The following HSPA4 variants were observed in gnomAD, a reference collection of about 807,000 sequenced individuals.
HSPA4 encodes the protein heat shock 70 kDa protein 4.
In HSPA4, 25 loss-of-function variants were observed where a neutral mutation model predicts 106.2. The ratio of observed to expected loss-of-function variants is 0.24; its 90% CI spans 0.17 to 0.33. The LOEUF (loss-of-function observed/expected upper bound fraction) is 0.33, where lower values mean the gene tolerates loss of function less well. Among genes scored for constraint, HSPA4 ranks in the 10% least tolerant of loss-of-function variants. The probability of loss-of-function intolerance (pLI) is 1.00; values close to 1 mark genes in which losing one functional copy is unlikely to be tolerated. For synonymous variants in HSPA4, 332 were observed against 333.6 expected (o/e 1.00, Z 0.05); for missense variants, 841 against 996.0 (o/e 0.84, Z 2.10).
rs756190710 is a variant in HSPA4 at position 133,091,202 on chromosome 5, C to T, written c.1388C>T (p.Ser463Leu). ...TCTCGTATGTCCCTAGCTCAGTTTT[C>T]AGTTCAGAAAGTCACTCCTCAGTCT... ...PYPDPAIAQF[S>L]VQKVTPQSDG... Residue 463 changes from serine to leucine, a missense_variant, in exon 12 of 19, where the codon TCA becomes TTA. Physicochemically the swap from Ser to Leu is moderately radical, Grantham distance 145. Transcript: ENST00000304858. The T allele has an allele frequency of 1.9e-6, 3 of 1,613,760 alleles. No homozygotes were observed. The South Asian group carries it at 3.3e-5, about 18-fold the overall frequency.
chr5:133,072,858 G>A (rs940801134), intron 4 of HSPA4, among the ~76,000 whole-genome samples: 1 of 152,144 alleles, frequency 6.6e-6, no homozygotes, highest in Non-Finnish European at 1.5e-5. Flanking sequence ...TAATCATTTA[G>A]GGAAATTTTT....
At chr5:133,088,170 C>T (rs978386450) in intron 8 of HSPA4, among the ~76,000 whole-genome samples, 2 of 152,000 alleles carry the variant, frequency 1.3e-5, no homozygotes, top group Admixed American at 6.6e-5. Flanking sequence ...GATTCCTGGC[C>T]CTCACCTCCT....
chr5:133,061,648 C>T (rs1228386221), intron 1 of HSPA4, among the ~76,000 whole-genome samples: 2 of 152,120 alleles, frequency 1.3e-5, no homozygotes, highest in African/African-American at 2.4e-5. Context: ...CCGACTGAGT[C>T]TTGCTCTCTT....
chr5:133,089,865 A>C (rs73272708), intron 11 of HSPA4, among the ~76,000 whole-genome samples, 170 bp downstream of exon 11: 4,012 of 152,238 alleles, frequency 0.026, 141 homozygotes, highest in African/African-American at 0.076. Context: ...ACAACAACAA[A>C]AAAAAGCTTA....
intron 4 of HSPA4, among the ~76,000 whole-genome samples, chr5:133,070,864 T>C (rs1251621210): frequency 6.6e-6 from 1 of 152,146 alleles, no homozygotes; most frequent in African/African-American, 2.4e-5. Context: ...ATCATGCCAT[T>C]GCACTTCGGC....
In HSPA4 at chr5:133,098,862, G is replaced by A. The variant is rs191406662; in HGVS notation, c.1930-683G>A. ...TAATTTTTGTATTTTTAGTAGAGAC[G>A]GGGTTTCACCATGTTGGCCAGGCTA... On this transcript the variant is annotated intron_variant, in intron 15 of 18. Transcript: ENST00000304858. 7.9e-5 allele frequency among the ~76,000 whole-genome samples: 12 copies of A among 151,390 alleles called. No individual in the cohort carries two copies. The East Asian group carries it at 2.4e-3, about 30-fold the overall frequency.
At chr5:133,075,875 A>G (rs550822087) in intron 6 of HSPA4, among the ~76,000 whole-genome samples, 1 of 152,232 alleles carries the variant, frequency 6.6e-6, no homozygotes, top group Admixed American at 6.5e-5. Flanking sequence ...CAATCTTACC[A>G]TTCTTAACAG....
At chr5:133,085,489 TAA>T (rs747012950) in intron 7 of HSPA4, among the ~76,000 whole-genome samples, 4 of 110,260 alleles carry the variant, frequency 3.6e-5, no homozygotes, top group African/African-American at 1.0e-4. Context: ...CCATCTCTAC[TAA>T]AAAAAAAAAA....
At chr5:133,104,155 G>C (rs555976167) in intron 18 of HSPA4, 78 bp from the exon 19 acceptor site, 1 of 1,470,896 alleles carries the variant, frequency 6.8e-7, no homozygotes, top group Admixed American at 1.8e-5. Flanking sequence ...TGGTGGGAGA[G>C]GGCGGATTTG....
intron 11 of HSPA4, among the ~76,000 whole-genome samples, chr5:133,090,430 CAAAAAAAAAAAA>C (rs56263518): frequency 3.6e-5 from 2 of 54,892 alleles, no homozygotes; most frequent in Admixed American, 3.2e-4. Context: ...GACTCTGTCT[CAAAAAAAAAAAA>C]AAAAAAAAAA....
chr5:133,102,947 A>C, intron 17 of HSPA4, among the ~76,000 whole-genome samples: 1 of 110,190 alleles, frequency 9.1e-6, no homozygotes. Context: ...GCATTTCACC[A>C]TGTTACCCAG....
intron 8 of HSPA4, among the ~76,000 whole-genome samples, 168 bp from the exon 9 acceptor site, chr5:133,088,236 T>C (rs1264245715): frequency 6.6e-6 from 1 of 152,184 alleles, no homozygotes; most frequent in Non-Finnish European, 1.5e-5. Context: ...ACCTACTTGT[T>C]TCCAGATGCC....
In HSPA4 at chr5:133,096,099, C is replaced by T. The variant is rs371677137; in HGVS notation, c.1652C>T (p.Thr551Ile). ...ENKAESEEMETSQAGSKDKKM... is the reference protein window; with the variant it reads ...ENKAESEEMEISQAGSKDKKM... ...TCTTAATGATTTCTATTGTTTTAGA[C>T]CTCTCAAGCTGGATCCAAGGATAAA... The change falls in exon 14 of 19, where the codon ACC (threonine) becomes ATC (isoleucine). Residue 551 changes from threonine (T) to isoleucine (I), a missense_variant and splice_region_variant. Around this residue, in one of 5 missense-constraint regions of HSPA4, gnomAD observed 328 missense variants for 372.2 expected, o/e 0.88. Transcript: ENST00000304858. 2.1e-5 allele frequency: 34 copies of T among 1,612,902 alleles called. No homozygotes were observed. The highest frequency in any genetic ancestry group is 1.3e-4 in the Admixed American group (8 of 59,880).
At chr5:133,083,783 C>T (rs926103053) in intron 7 of HSPA4, among the ~76,000 whole-genome samples, 6 of 152,106 alleles carry the variant, frequency 3.9e-5, no homozygotes, top group Non-Finnish European at 7.3e-5. Flanking sequence ...GTGATCCGCC[C>T]GCCTCAGTCT....
intron 4 of HSPA4, among the ~76,000 whole-genome samples, chr5:133,071,301 A>AT (rs1765377858): frequency 1.3e-5 from 2 of 151,600 alleles, no homozygotes; most frequent in African/African-American, 4.8e-5. Context: ...AAAAAAAAAA[A>AT]AAAAAAAAAA....
intron 4 of HSPA4, among the ~76,000 whole-genome samples, chr5:133,071,976 G>C (rs1337866539): frequency 6.6e-6 from 1 of 152,036 alleles, no homozygotes; most frequent in African/African-American, 2.4e-5. Flanking sequence ...TCCCAGATTT[G>C]TTTCCATTCC....
intron 15 of HSPA4, 128 bp downstream of exon 15, chr5:133,097,414 C>A (rs373476465): frequency 3.0e-6 from 2 of 668,770 alleles, no homozygotes; most frequent in East Asian, 2.8e-5. Context: ...CTGGGGGGGG[C>A]AAAATTTTAT....
At position 133,105,785 on chromosome 5, in the gene HSPA4, AAGC is replaced by A. The variant is rs1765849680; in HGVS notation, c.*1350_*1352del. Reference sequence around the variant, plus strand: ...GATGCTATCTTGCATAGTTAGAATTAAGCGTTTGTCCATCTCTAGATAACATTG... The same window carrying A: ...GATGCTATCTTGCATAGTTAGAATTAGTTTGTCCATCTCTAGATAACATTG... On this transcript the variant is annotated 3_prime_UTR_variant, in exon 19 of 19. Coordinates refer to ENST00000304858, the MANE Select transcript of HSPA4 (RefSeq NM_002154.4). The A allele has an allele frequency of 6.6e-6, 1 of 152,202 alleles. No homozygotes were observed. The highest frequency in any genetic ancestry group is 1.5e-5 in the Non-Finnish European group (1 of 68,032). The allele number at this position is 152,202 out of a possible 1,614,324, so 9.4% of individuals were successfully genotyped here. A position where few individuals can be genotyped will look rare whatever the true frequency, so the allele number is the denominator to read the frequency against.
intron 2 of HSPA4, 96 bp from the exon 3 acceptor site, chr5:133,067,321 A>C (rs1765319769): frequency 9.4e-7 from 1 of 1,058,422 alleles, no homozygotes; most frequent in Admixed American, 2.4e-5. Context: ...AGGAGACTCT[A>C]TATAAAGTTA....
Sources: gnomAD v4.1 joint callset for allele counts (sites outside exome capture counted in the v4.1 genomes callset) on GRCh38, gnomAD v4.1.1 for gene constraint, gnomAD v4.1.1 regional missense constraint, MANE v1.5 for transcripts, NCBI Gene and HGNC (gene_info 2026-07-23, HGNC 2026-07-21) for gene names.